The following RIPOR2 variants were observed in gnomAD, a reference collection of about 807,000 sequenced individuals.
RIPOR2 encodes the protein rho family-interacting cell polarization regulator 2.
RIPOR2 carries 39 observed loss-of-function variants against 114.5 expected under a neutral mutation model. The observed-to-expected ratio is 0.34, with a 90% CI of 0.26 to 0.44. RIPOR2 has a LOEUF of 0.44. RIPOR2 is among the 20% of genes least tolerant of loss of function. RIPOR2 has a pLI of 1.00. For synonymous variants in RIPOR2, 445 were observed against 484.4 expected (o/e 0.92, Z 1.07); for missense variants, 1,007 against 1,255.1 (o/e 0.80, Z 2.99).
At chr6:24,848,320 AG>A (rs1299497283) in intron 11 of RIPOR2, among the ~76,000 whole-genome samples, 166 bp from the exon 12 acceptor site, 1 of 152,222 alleles carries the variant, frequency 6.6e-6, no homozygotes, top group Non-Finnish European at 1.5e-5. Flanking sequence ...CCTGGATAAA[AG>A]AAAAGTGGAG....
chr6:25,032,991 GC>G (rs1777064197), intron 1 of RIPOR2, among the ~76,000 whole-genome samples: 1 of 152,128 alleles, frequency 6.6e-6, no homozygotes, highest in African/African-American at 2.4e-5. Context: ...AATTGCTTGA[GC>G]CCACAAGTTC....
chr6:24,848,700 T>C (rs1762560477), intron 11 of RIPOR2, among the ~76,000 whole-genome samples: 1 of 152,176 alleles, frequency 6.6e-6, no homozygotes, highest in Admixed American at 6.5e-5. Flanking sequence ...AAGAATGATC[T>C]TGCATGTGAG....
chr6:24,907,581 G>A (rs954818108), intron 1 of RIPOR2, among the ~76,000 whole-genome samples: 2 of 152,220 alleles, frequency 1.3e-5, no homozygotes, highest in Non-Finnish European at 2.9e-5. Flanking sequence ...GTTGGTGGCT[G>A]CAGAGAGGAG....
intron 8 of RIPOR2, among the ~76,000 whole-genome samples, chr6:24,856,612 G>A (rs1562271459): frequency 2.0e-5 from 3 of 152,172 alleles, no homozygotes; most frequent in East Asian, 1.9e-4. Flanking sequence ...AAAATTAGCC[G>A]GGTGCGATGG....
intron 15 of RIPOR2, among the ~76,000 whole-genome samples, chr6:24,834,257 G>A (rs1360542880): frequency 6.6e-6 from 1 of 152,142 alleles, no homozygotes; most frequent in Non-Finnish European, 1.5e-5. Context: ...GTTGTCTGAG[G>A]CTTCTCTGAT....
At chr6:24,888,711 G>A (rs1415184432) in intron 1 of RIPOR2, among the ~76,000 whole-genome samples, 1 of 152,150 alleles carries the variant, frequency 6.6e-6, no homozygotes, top group East Asian at 1.9e-4. Context: ...TCAGAGAAAG[G>A]ATAAGAAATA....
chr6:24,983,455 C>T (rs1774387325), intron 1 of RIPOR2, among the ~76,000 whole-genome samples: 1 of 151,968 alleles, frequency 6.6e-6, no homozygotes, highest in African/African-American at 2.4e-5. Context: ...TCCACTTATC[C>T]CTTAATATTA....
chr6:24,904,627 T>C (rs567214874), intron 1 of RIPOR2, among the ~76,000 whole-genome samples: 104 of 152,362 alleles, frequency 6.8e-4, no homozygotes, highest in Admixed American at 2.5e-3. Flanking sequence ...TTGCCTACCA[T>C]AGCAGACTTC....
chr6:25,025,769 T>A (rs1472606486), intron 1 of RIPOR2, among the ~76,000 whole-genome samples: 1 of 152,204 alleles, frequency 6.6e-6, no homozygotes, highest in African/African-American at 2.4e-5. Context: ...TTTTTCACTT[T>A]AAGGAGCAAT....
At chr6:24,831,884 T>C (rs924466372) in intron 16 of RIPOR2, among the ~76,000 whole-genome samples, 3 of 152,286 alleles carry the variant, frequency 2.0e-5, no homozygotes, top group South Asian at 2.1e-4. Flanking sequence ...GATCTTCCAA[T>C]TGACAGTCAC....
chr6:24,859,520 A>G (rs940999135), intron 8 of RIPOR2, among the ~76,000 whole-genome samples: 2 of 152,178 alleles, frequency 1.3e-5, no homozygotes, highest in African/African-American at 4.8e-5. Flanking sequence ...GTGAGGACCC[A>G]AAAATGTAGA....
chr6:24,841,127 G>C (rs1385866629), intron 13 of RIPOR2, among the ~76,000 whole-genome samples: 4 of 152,190 alleles, frequency 2.6e-5, no homozygotes, highest in African/African-American at 9.7e-5. Context: ...ATAATGCTTA[G>C]TGTTTCCTGT....
intron 1 of RIPOR2, among the ~76,000 whole-genome samples, chr6:24,997,097 G>T (rs1294824025): frequency 1.3e-5 from 2 of 152,174 alleles, no homozygotes; most frequent in African/African-American, 4.8e-5. Flanking sequence ...AACCTTGTCT[G>T]CTCATTGGGC....
chr6:25,027,993 T>G (rs1776710902), intron 1 of RIPOR2, among the ~76,000 whole-genome samples: 1 of 152,098 alleles, frequency 6.6e-6, no homozygotes, highest in Non-Finnish European at 1.5e-5. Flanking sequence ...CCCTAACAGC[T>G]CTAAGCCCGA....
intron 9 of RIPOR2, among the ~76,000 whole-genome samples, chr6:24,851,888 G>A (rs1762972125): frequency 6.6e-6 from 1 of 152,196 alleles, no homozygotes; most frequent in African/African-American, 2.4e-5. Context: ...TAATGCCTAT[G>A]TGACAGAATG....
chr6:24,942,531 A>G (rs964792216), intron 1 of RIPOR2, among the ~76,000 whole-genome samples: 1 of 152,192 alleles, frequency 6.6e-6, no homozygotes, highest in Admixed American at 6.5e-5. Context: ...TCCCACCAAC[A>G]GTGTAAAAGT....
chr6:25,040,171 A>G (rs1470918321), intron 1 of RIPOR2, among the ~76,000 whole-genome samples: 15 of 151,480 alleles, frequency 9.9e-5, no homozygotes. Flanking sequence ...GCTGGAGTAC[A>G]ATGGCACAAT....
At chr6:25,022,192 T>G (rs901810444) in intron 1 of RIPOR2, among the ~76,000 whole-genome samples, 1 of 152,200 alleles carries the variant, frequency 6.6e-6, no homozygotes, top group African/African-American at 2.4e-5. Context: ...ACAGAAGAGT[T>G]ACATCATATG....
At chr6:24,893,903 C>A (rs1399633222) in intron 1 of RIPOR2, among the ~76,000 whole-genome samples, 1 of 152,174 alleles carries the variant, frequency 6.6e-6, no homozygotes, top group Non-Finnish European at 1.5e-5. Flanking sequence ...GAAACAAATG[C>A]GCAATTTGAG....
Sources: allele counts gnomAD v4.1 joint callset (sites outside exome capture counted in the v4.1 genomes callset), GRCh38; gene constraint gnomAD v4.1.1; transcripts MANE v1.5; gene names NCBI Gene and HGNC (gene_info 2026-07-23, HGNC 2026-07-21).